Variants in DDX60L observed in about 807,000 individuals in gnomAD.
DDX60L encodes DExD/H-box 60 like, also known as probable ATP-dependent RNA helicase DDX60-like.
Under a neutral mutation model 211.6 loss-of-function variants are expected in DDX60L, and 191 were observed. That is an observed-to-expected ratio of 0.90 (90% CI 0.80 to 1.02). DDX60L has a LOEUF of 1.02. Ranked by LOEUF, DDX60L falls within the 50% of genes least tolerant of loss-of-function variation. DDX60L has a pLI of 0.00. For missense variants in DDX60L, 2,007 were observed against 1,984.1 expected, an observed-to-expected ratio of 1.01 and a Z score of -0.22; for synonymous variants, 706 against 694.1, an observed-to-expected ratio of 1.02 and a Z score of -0.27.
At chr4:168,430,135 G>A (rs1370691986) in intron 13 of DDX60L, among the ~76,000 whole-genome samples, 1 of 152,106 alleles carries the variant, frequency 6.6e-6, no homozygotes, top group East Asian at 1.9e-4. Flanking sequence ...GGAGGCGGAG[G>A]TTGCAGTGAG....
chr4:168,414,731 C>G (rs997058016), intron 22 of DDX60L, among the ~76,000 whole-genome samples: 4 of 151,904 alleles, frequency 2.6e-5, no homozygotes, highest in African/African-American at 9.7e-5. Flanking sequence ...TTGGATGTCA[C>G]TATGTTAAGT....
intron 17 of DDX60L, among the ~76,000 whole-genome samples, chr4:168,420,698 C>T (rs1002859113): frequency 4.9e-5 from 7 of 143,578 alleles, no homozygotes; most frequent in Non-Finnish European, 9.2e-5. Flanking sequence ...GACAGACAGA[C>T]AGACAGATAT....
At chr4:168,384,507 A>G in intron 30 of DDX60L, 105 bp downstream of exon 30, 1 of 1,414,988 alleles carries the variant, frequency 7.1e-7, no homozygotes, top group South Asian at 1.3e-5. Flanking sequence ...AAACAAAAAG[A>G]AAGTTTATTT....
chr4:168,375,600 A>G, intron 33 of DDX60L, 76 bp from the exon 34 acceptor site: 1 of 1,350,504 alleles, frequency 7.4e-7, no homozygotes, highest in Non-Finnish European at 9.9e-7. Flanking sequence ...ATAAGATTGC[A>G]GCATAGTTCT....
intron 1 of DDX60L, among the ~76,000 whole-genome samples, chr4:168,478,092 G>A (rs1364451459): frequency 2.6e-5 from 4 of 151,950 alleles, no homozygotes; most frequent in Non-Finnish European, 5.9e-5. Flanking sequence ...GCGAAGGGGA[G>A]GGGAGGGGAG....
At chr4:168,431,979 A>G (rs1016688899) in intron 12 of DDX60L, among the ~76,000 whole-genome samples, 1 of 152,170 alleles carries the variant, frequency 6.6e-6, no homozygotes. Context: ...AATGTTAGGA[A>G]GACTATGGCT....
intron 37 of DDX60L, among the ~76,000 whole-genome samples, chr4:168,360,901 G>A (rs1738992047): frequency 6.6e-6 from 1 of 152,218 alleles, no homozygotes; most frequent in African/African-American, 2.4e-5. Context: ...TCCAGGCTCT[G>A]ATCCGAATGA....
rs114487766 is a variant in DDX60L, at chr4:168,472,540, T to A, written c.5-16A>T. ...TCCTTTGACCCTAAAAATAAGGAGATTTTTTGAGCCATCAATATTTTTACA... is the reference window on the plus strand; with the variant it reads ...TCCTTTGACCCTAAAAATAAGGAGAATTTTTGAGCCATCAATATTTTTACA... On this transcript the variant is annotated splice_polypyrimidine_tract_variant and intron_variant, in intron 2 of 37. Transcript: ENST00000682922. 2.4e-3 allele frequency: 3,844 copies of A among 1,578,930 alleles called. 95 individuals are homozygous for A. In the African/African-American group the frequency reaches 0.045, roughly 19 times the overall value.
At chr4:168,434,079 GT>G (rs971920738) in intron 10 of DDX60L, among the ~76,000 whole-genome samples, 40 of 151,632 alleles carry the variant, frequency 2.6e-4, no homozygotes, top group African/African-American at 8.7e-4. Context: ...TTTGTTTTTG[GT>G]TTGCTGCGGT....
intron 7 of DDX60L, among the ~76,000 whole-genome samples, chr4:168,453,972 G>C (rs1756171870): frequency 6.6e-6 from 1 of 152,082 alleles, no homozygotes; most frequent in Non-Finnish European, 1.5e-5. Flanking sequence ...AAATGAGACA[G>C]TGATCCCTAG....
In DDX60L at chr4:168,375,429, A is replaced by C; in HGVS notation, c.4581T>G (p.Ala1527=). ...MKDFASFLLI[A]SKSVNMKKEH... Reference sequence around the variant, plus strand: ...CTTTTTTCATGTTCACCGACTTGGAAGCAATCAGCAGGAAGGAGGCAAAAT... The same window carrying C: ...CTTTTTTCATGTTCACCGACTTGGACGCAATCAGCAGGAAGGAGGCAAAAT... Residue 1527 remains alanine, a synonymous_variant, in exon 34 of 38, where the codon GCT becomes GCG. Transcript: ENST00000682922. The C allele has an allele frequency of 6.2e-7, 1 of 1,612,992 alleles. No homozygotes were observed.
rs554195529 is a variant in DDX60L at position 168,365,618 on chromosome 4, C to G, written c.4929-4407G>C. Among the ~76,000 whole-genome samples the G allele has an allele frequency of 7.3e-5, 11 of 151,706 alleles. No homozygotes were observed. In the South Asian group the frequency reaches 2.3e-3, roughly 31 times the overall value. On this transcript the variant is annotated intron_variant, in intron 36 of 37. Coordinates refer to ENST00000682922, the MANE Select transcript of DDX60L (RefSeq NM_001012967.3). ...CATTTAAAGAAGACTAATACCAATC[C>G]TCTTCAAGCTATTAAGGGAATTTAA...
chr4:168,428,197 C>T (rs1288419882), intron 13 of DDX60L, among the ~76,000 whole-genome samples: 1 of 152,180 alleles, frequency 6.6e-6, no homozygotes, highest in Non-Finnish European at 1.5e-5. Flanking sequence ...CACCCTCAGC[C>T]CAGAGGAGGT....
rs1298337382 is a variant in DDX60L, at chr4:168,357,630, T to C, written c.*517A>G. 1.3e-5 allele frequency: 2 copies of C among 154,636 alleles called. No individual in the cohort carries two copies. The highest frequency in any genetic ancestry group is 2.9e-5 in the Non-Finnish European group (2 of 69,916). The allele number at this position is 154,636 out of a possible 1,614,324, so 9.6% of individuals were successfully genotyped here. On this transcript the variant is annotated 3_prime_UTR_variant, in exon 38 of 38. Coordinates refer to ENST00000682922, the MANE Select transcript of DDX60L (RefSeq NM_001012967.3). ...CACATTGAGGGTTAGAATTTCAATATAAAAATTTTGGAGGGGAGGGCACAA... is the reference window on the plus strand; with the variant it reads ...CACATTGAGGGTTAGAATTTCAATACAAAAATTTTGGAGGGGAGGGCACAA...
intron 30 of DDX60L, among the ~76,000 whole-genome samples, chr4:168,381,758 G>A (rs574694682): frequency 3.2e-4 from 48 of 152,130 alleles, no homozygotes; most frequent in Non-Finnish European, 4.7e-4. Flanking sequence ...ATGAAGCATC[G>A]ACAATTCTGA....
At position 168,448,717 on chromosome 4, in the gene DDX60L, A is replaced by G. The variant is rs1682182305; in HGVS notation, c.1059T>C (p.Asn353=). The change falls in exon 9 of 38, where the codon AAT becomes AAC. Residue 353 remains asparagine (N), a synonymous_variant. Transcript: ENST00000682922. The stretch of plus-strand genomic sequence containing the variant: ...CATACAAGTCAGAAACATGATTTAA[A>G]TTCAGATTCCAGCATCCAAAAACGT... The part of the protein sequence containing the change: ...NLNVFGCWNL[N]LNHVSDLYDE... 1 of 1,606,300 alleles carries G rather than the reference A, an allele frequency of 6.2e-7. No individual in the cohort carries two copies. Among genetic ancestry groups the G allele is most frequent in the Non-Finnish European group, 8.5e-7 (1 of 1,173,992 alleles).
chr4:168,373,628 T>TA, intron 35 of DDX60L, 38 bp downstream of exon 35: 9 of 1,597,758 alleles, frequency 5.6e-6, no homozygotes, highest in Non-Finnish European at 7.7e-6. Flanking sequence ...CTCTGTCTGT[T>TA]AAACACATTT....
At chr4:168,408,179 T>C (rs1485937030) in intron 22 of DDX60L, among the ~76,000 whole-genome samples, 2 of 152,232 alleles carry the variant, frequency 1.3e-5, no homozygotes, top group Admixed American at 1.3e-4. Flanking sequence ...TGTGCTTCTA[T>C]TTTGGTCTCT....
At chr4:168,359,948 C>G (rs762683199) in intron 37 of DDX60L, among the ~76,000 whole-genome samples, 1 of 152,112 alleles carries the variant, frequency 6.6e-6, no homozygotes, top group African/African-American at 2.4e-5. Flanking sequence ...ATCTGACTAC[C>G]CTAATTATTC....
Sources: gnomAD v4.1 joint callset for allele counts (sites outside exome capture counted in the v4.1 genomes callset) on GRCh38, gnomAD v4.1.1 for gene constraint, MANE v1.5 for transcripts, NCBI Gene and HGNC (gene_info 2026-07-23, HGNC 2026-07-21) for gene names.